NPTXR: variants seen among roughly 807,000 people sequenced by gnomAD.
NPTXR encodes neuronal pentraxin receptor.
In NPTXR, 12 loss-of-function variants were observed where a neutral mutation model predicts 32.2. The ratio of observed to expected loss-of-function variants is 0.37; its 90% CI spans 0.24 to 0.60. The LOEUF (loss-of-function observed/expected upper bound fraction) is 0.60. Among genes scored for constraint, NPTXR ranks in the 20% least tolerant of loss-of-function variants. The probability of loss-of-function intolerance (pLI) is 0.66; values close to 1 mark genes in which losing one functional copy is unlikely to be tolerated. For synonymous variants in NPTXR, 323 were observed against 315.8 expected, an observed-to-expected ratio of 1.02 and a Z score of -0.24; for missense variants, 612 against 682.9, an observed-to-expected ratio of 0.90 and a Z score of 1.16.
Position 38,826,621 on chromosome 22 carries a change from C to T in NPTXR, c.977G>A (p.Arg326Gln), listed in dbSNP as rs748848563. ...CTGGCCGGTGCCGCTGGACCTGGAC[C>T]GCAGCCACATGCAGGCGGTGAATGC... Residue 326 changes from arginine to glutamine, a missense_variant, in exon 3 of 5, where the codon CGG becomes CAG. Arg to Gln is a conservative substitution (Grantham distance 43). Transcript: ENST00000333039. 73 of 1,614,254 alleles carry T rather than the reference C, an allele frequency of 4.5e-5. 1 individual carries two copies. Among genetic ancestry groups the T allele is most frequent in the Middle Eastern group, 1.6e-4 (1 of 6,062 alleles).
At chr22:38,832,768 G>A (rs912464874) in intron 1 of NPTXR, among the ~76,000 whole-genome samples, 88 of 152,200 alleles carry the variant, frequency 5.8e-4, no homozygotes, top group African/African-American at 2.0e-3. Flanking sequence ...CATTCCTCAG[G>A]CTCACACTGA....
rs879908537 is a variant in NPTXR, at chr22:38,826,536, C to G, written c.1062G>C (p.Ala354=). ...TCAGCAGCTCCATGGGCTCATGGCC[C>G]GCCTCTAGCAGTACAATCTCGTTGG... The change falls in exon 3 of 5, where the codon GCG becomes GCC. Residue 354 remains alanine, a synonymous_variant. Transcript: ENST00000333039. 1 of 1,613,084 alleles carries G rather than the reference C, an allele frequency of 6.2e-7. No homozygotes were observed. The highest frequency in any genetic ancestry group is 8.5e-7 in the Non-Finnish European group (1 of 1,179,236).
chr22:38,837,845 T>TTTTTA (rs10530407), intron 1 of NPTXR, among the ~76,000 whole-genome samples: 1,953 of 139,982 alleles, frequency 0.014, 63 homozygotes, highest in Admixed American at 0.072. Context: ...TTATTTTTAT[T>TTTTTA]TTTTATTTTA....
At chr22:38,835,949 C>T (rs1196433077) in intron 1 of NPTXR, among the ~76,000 whole-genome samples, 2 of 152,142 alleles carry the variant, frequency 1.3e-5, no homozygotes, top group Non-Finnish European at 2.9e-5. Flanking sequence ...GCCCCGGCAC[C>T]CCACCTTCTT....
Position 38,820,228 on chromosome 22 carries a change from A to C in NPTXR, c.*2381T>G, listed in dbSNP as rs970005261. The C allele has an allele frequency of 6.5e-6, 1 of 152,698 alleles. No individual in the cohort carries two copies. The highest frequency in any genetic ancestry group is 2.4e-5 in the African/African-American group (1 of 41,460). 9.5% of individuals were successfully genotyped at this position (152,698 alleles called of 1,614,324 possible). A position where few individuals can be genotyped will look rare whatever the true frequency, so the allele number is the denominator to read the frequency against. On this transcript the variant is annotated 3_prime_UTR_variant, in exon 5 of 5. Coordinates refer to ENST00000333039, the MANE Select transcript of NPTXR (RefSeq NM_014293.4). ...TTACCGTGGCAACCTAGGTCTCAGC[A>C]GGTCTGGCTGAAGCCCGCCATTGCC...
intron 1 of NPTXR, among the ~76,000 whole-genome samples, chr22:38,839,302 C>T (rs757571678): frequency 5.3e-5 from 8 of 152,198 alleles, no homozygotes; most frequent in Admixed American, 1.3e-4. Context: ...GGCCTGTAGC[C>T]GCATCATTGG....
In NPTXR at chr22:38,823,123, G is replaced by A; in HGVS notation, c.1238C>T (p.Pro413Leu). The change falls in exon 4 of 5, where the codon CCC becomes CTC. Residue 413 changes from proline to leucine, a missense_variant. Coordinates refer to ENST00000333039, the MANE Select transcript of NPTXR (RefSeq NM_014293.4). ...GATAAGGATCCCATGAGGCTTGATG[G>A]GGTGCCAGGCAGCCAGGTTCTCACC... 6.2e-7 allele frequency: 1 copy of A among 1,614,134 alleles called. No homozygotes were observed.
At chr22:38,825,586 G>A (rs1343631643) in intron 3 of NPTXR, among the ~76,000 whole-genome samples, 2 of 152,070 alleles carry the variant, frequency 1.3e-5, no homozygotes, top group Admixed American at 6.5e-5. Flanking sequence ...TATCATTCCT[G>A]CTTTAGAGAT....
Position 38,823,186 on chromosome 22 carries a change from A to G in NPTXR, c.1175T>C (p.Leu392Pro). 4 of 1,614,052 alleles carry G rather than the reference A, an allele frequency of 2.5e-6. No individual in the cohort carries two copies. The highest frequency in any genetic ancestry group is 3.4e-6 in the Non-Finnish European group (4 of 1,180,006). ...CTCCCCGTCCTGGTAGGCAGACCATAGGCCATCCCTTGTGGTCCAGGCGAT... is the reference window on the plus strand; with the variant it reads ...CTCCCCGTCCTGGTAGGCAGACCATGGGCCATCCCTTGTGGTCCAGGCGAT... The change falls in exon 4 of 5, where the codon CTA becomes CCA. Residue 392 changes from leucine (L) to proline (P), a missense_variant. By Grantham distance (98) the Leu-to-Pro change is moderately conservative. Coordinates refer to ENST00000333039, the MANE Select transcript of NPTXR (RefSeq NM_014293.4).
chr22:38,827,384 C>T (rs1938601114), intron 2 of NPTXR, among the ~76,000 whole-genome samples: 1 of 151,834 alleles, frequency 6.6e-6, no homozygotes, highest in South Asian at 2.1e-4. Flanking sequence ...CAGGTATGCA[C>T]CACCACACCC....
chr22:38,824,234 C>T (rs1432849673), intron 3 of NPTXR, among the ~76,000 whole-genome samples: 3 of 151,384 alleles, frequency 2.0e-5, no homozygotes, highest in African/African-American at 7.3e-5. Flanking sequence ...CTCAGATGAT[C>T]CACCCACCTC....
At chr22:38,833,320 C>G (rs975334730) in intron 1 of NPTXR, among the ~76,000 whole-genome samples, 1 of 152,196 alleles carries the variant, frequency 6.6e-6, no homozygotes, top group East Asian at 1.9e-4. Context: ...CACCCCACCT[C>G]CCTCACCAGG....
chr22:38,843,368 C>A lies in NPTXR; in HGVS notation c.491G>T (p.Gly164Val). The A allele has an allele frequency of 1.4e-6, 2 of 1,409,964 alleles. No homozygotes were observed. Among genetic ancestry groups the A allele is most frequent in the South Asian group, 1.5e-5 (1 of 67,292 alleles). 87.3% of individuals were successfully genotyped at this position (1,409,964 alleles called of 1,614,324 possible). A position where few individuals can be genotyped will look rare whatever the true frequency, so the allele number is the denominator to read the frequency against. ...GGCGCCCTGGAGGCCGCGCGGCAGG[C>A]CGCTCTCGCAGCGGCCCAGCTTGCC... The change falls in exon 1 of 5, where the codon GGC becomes GTC. Residue 164 changes from glycine to valine, a missense_variant. Coordinates refer to ENST00000333039, the MANE Select transcript of NPTXR (RefSeq NM_014293.4). The surrounding 1 kb of genome is among the most constrained non-coding windows in gnomAD (Gnocchi z 5.3).
rs185976827 is a variant in NPTXR at position 38,822,526 on chromosome 22, G to A, written c.*83C>T. The A allele has an allele frequency of 4.3e-4, 527 of 1,236,542 alleles. 4 individuals are homozygous for A. The African/African-American group carries it at 7.1e-3, about 17-fold the overall frequency. 76.6% of individuals were successfully genotyped at this position (1,236,542 alleles called of 1,614,324 possible). A position where few individuals can be genotyped will look rare whatever the true frequency, so the allele number is the denominator to read the frequency against. On this transcript the variant is annotated 3_prime_UTR_variant, in exon 5 of 5. Transcript: ENST00000333039. ...GTGGGGCAGGAGGGAAGGCCAGTGC[G>A]TGGGCAGGCTGAGGAGGGAATATGA... is the stretch of plus-strand genomic sequence containing the variant.
At position 38,843,379 on chromosome 22, in the gene NPTXR, G is replaced by A; in HGVS notation, c.480C>T (p.Arg160=). 7.1e-7 allele frequency: 1 copy of A among 1,409,458 alleles called. No individual in the cohort carries two copies. The allele number at this position is 1,409,458 out of a possible 1,614,324, so 87.3% of individuals were successfully genotyped here. ...GGCCGCGCGGCAGGCCGCTCTCGCAGCGGCCCAGCTTGCCGGTGAGCTCAC... is the reference window on the plus strand; with the variant it reads ...GGCCGCGCGGCAGGCCGCTCTCGCAACGGCCCAGCTTGCCGGTGAGCTCAC... The change falls in exon 1 of 5, where the codon CGC becomes CGT. Residue 160 remains arginine, a synonymous_variant. Coordinates refer to ENST00000333039, the MANE Select transcript of NPTXR (RefSeq NM_014293.4). The surrounding 1 kb of genome is among the most constrained non-coding windows in gnomAD (Gnocchi z 5.3).
chr22:38,843,188 C>A lies in NPTXR; in HGVS notation c.624+47G>T. The A allele has an allele frequency of 3.1e-6, 4 of 1,272,244 alleles. No individual in the cohort carries two copies. The highest frequency in any genetic ancestry group is 4.0e-6 in the Non-Finnish European group (4 of 1,010,824). The allele number at this position is 1,272,244 out of a possible 1,614,324, so 78.8% of individuals were successfully genotyped here. ...CCGCCGGACGACCGCGGCCGGGCGG[C>A]CCCTCACACCACCCGGGCGGCTCCC... On this transcript the variant is annotated intron_variant, in intron 1 of 4. Transcript: ENST00000333039. The surrounding 1 kb of genome is among the most constrained non-coding windows in gnomAD (Gnocchi z 5.3).
rs182469877 is a variant in NPTXR at position 38,832,758 on chromosome 22, C to T, written c.625-4246G>A. On this transcript the variant is annotated intron_variant, in intron 1 of 4. Transcript: ENST00000333039. ...CCTTCCTGATCCTGAAATCTGTGCT[C>T]ATTCCTCAGGCTCACACTGATGGTC... 3.5e-3 allele frequency among the ~76,000 whole-genome samples: 531 copies of T among 152,328 alleles called. 9 individuals carry two copies. Among genetic ancestry groups the T allele is most frequent in the African/African-American group, 0.012 (508 of 41,574 alleles).
At chr22:38,841,581 A>G (rs2093131729) in intron 1 of NPTXR, among the ~76,000 whole-genome samples, 1 of 152,272 alleles carries the variant, frequency 6.6e-6, no homozygotes, top group African/African-American at 2.4e-5. Flanking sequence ...TTACATGACT[A>G]AAACCTGTTG....
chr22:38,836,750 G>A (rs1401975854), intron 1 of NPTXR, among the ~76,000 whole-genome samples: 1 of 152,162 alleles, frequency 6.6e-6, no homozygotes, highest in Non-Finnish European at 1.5e-5. Context: ...TGAGATCTGT[G>A]ACCTCTTCCG....
Sources: allele counts gnomAD v4.1 joint callset (sites outside exome capture counted in the v4.1 genomes callset), GRCh38; gene constraint gnomAD v4.1.1; non-coding constraint Gnocchi (gnomAD v3.1); transcripts MANE v1.5; gene names NCBI Gene and HGNC (gene_info 2026-07-23, HGNC 2026-07-21).